PELI2: variants seen among roughly 807,000 people sequenced by gnomAD.
PELI2 encodes the protein pellino E3 ubiquitin protein ligase family member 2.
In PELI2, 23 loss-of-function variants were observed where a neutral mutation model predicts 42.3. The observed-to-expected ratio is 0.54, with a 90% CI of 0.39 to 0.77. PELI2 has a LOEUF of 0.77. Ranked by LOEUF, PELI2 falls within the 30% of genes least tolerant of loss-of-function variation. PELI2 has a pLI of 0.00. For missense variants in PELI2, 463 were observed against 553.2 expected, an observed-to-expected ratio of 0.84 and a Z score of 1.64; for synonymous variants, 245 against 212.2, an observed-to-expected ratio of 1.15 and a Z score of -1.34.
chr14:56,224,749 T>A (rs1887278311), intron 2 of PELI2, among the ~76,000 whole-genome samples: 1 of 152,236 alleles, frequency 6.6e-6, no homozygotes. Flanking sequence ...TTTGCAGGGC[T>A]TGTTGTATTT....
intron 1 of PELI2, among the ~76,000 whole-genome samples, chr14:56,144,591 T>G (rs184032726): frequency 1.2e-3 from 177 of 152,352 alleles, no homozygotes; most frequent in South Asian, 3.3e-3. Flanking sequence ...ATAGCCTGGC[T>G]GAATTGACAC....
At chr14:56,281,177 G>A (rs1216936626) in intron 3 of PELI2, among the ~76,000 whole-genome samples, 1 of 151,992 alleles carries the variant, frequency 6.6e-6, no homozygotes, top group Non-Finnish European at 1.5e-5. Context: ...ATTTTTATAC[G>A]TAAATAATTA....
Position 56,297,373 on chromosome 14 carries a change from T to C in PELI2, c.*207T>C. On this transcript the variant is annotated 3_prime_UTR_variant, in exon 6 of 6. Transcript: ENST00000267460. ...ATGCTCAAAACAGCAGCGTCGTCAT[T>C]GAAGTCTGCTTGATTAAACCATAAT... 1.9e-6 allele frequency: 1 copy of C among 515,584 alleles called. No homozygotes were observed. 31.9% of individuals were successfully genotyped at this position (515,584 alleles called of 1,614,324 possible). A position where few individuals can be genotyped will look rare whatever the true frequency, so the allele number is the denominator to read the frequency against.
intron 2 of PELI2, among the ~76,000 whole-genome samples, chr14:56,215,251 G>A (rs1566642177): frequency 6.6e-6 from 1 of 152,192 alleles, no homozygotes; most frequent in East Asian, 1.9e-4. Context: ...TAATTCTGTA[G>A]TGATAGGTTT....
intron 2 of PELI2, among the ~76,000 whole-genome samples, chr14:56,190,297 G>T (rs887874758): frequency 6.6e-6 from 1 of 152,164 alleles, no homozygotes; most frequent in Non-Finnish European, 1.5e-5. Context: ...AGTCTTACAA[G>T]TTAGGTAGAC....
chr14:56,153,555 A>G (rs1037601111), intron 1 of PELI2, among the ~76,000 whole-genome samples: 4 of 152,196 alleles, frequency 2.6e-5, no homozygotes, highest in African/African-American at 9.7e-5. Flanking sequence ...AGGCCCTAGA[A>G]ACCAATTTTG....
intron 2 of PELI2, among the ~76,000 whole-genome samples, chr14:56,220,701 C>T (rs1208979112): frequency 6.6e-6 from 1 of 151,912 alleles, no homozygotes; most frequent in East Asian, 1.9e-4. Context: ...GGGGAGGTGG[C>T]ATAGATTGAA....
At chr14:56,185,263 C>G (rs750086120) in intron 2 of PELI2, among the ~76,000 whole-genome samples, 50 of 152,004 alleles carry the variant, frequency 3.3e-4, no homozygotes, top group Non-Finnish European at 5.9e-4. Flanking sequence ...TTAATCAATA[C>G]TTTTATGTTT....
chr14:56,297,079 A>C lies in PELI2; in HGVS notation c.1176A>C (p.Ala392=). The C allele has an allele frequency of 6.2e-7, 1 of 1,611,788 alleles. No individual in the cohort carries two copies. Among genetic ancestry groups the C allele is most frequent in the Non-Finnish European group, 8.5e-7 (1 of 1,179,964 alleles). ...SQIPLPHGTH[A]FHAACPFCAT... The stretch of plus-strand genomic sequence containing the variant: ...TCCCGTTGCCTCATGGAACTCATGC[A>C]TTTCACGCTGCTTGCCCTTTCTGTG... The change falls in exon 6 of 6, where the codon GCA becomes GCC. Residue 392 remains alanine (A), a synonymous_variant. Coordinates refer to ENST00000267460, the MANE Select transcript of PELI2 (RefSeq NM_021255.3).
At chr14:56,279,589 A>G (rs1889406414) in intron 2 of PELI2, 87 bp from the exon 3 acceptor site, 2 of 697,074 alleles carry the variant, frequency 2.9e-6, no homozygotes, top group Admixed American at 4.3e-5. Context: ...GGGCTTTGCC[A>G]GTAGAGTGGT....
intron 2 of PELI2, among the ~76,000 whole-genome samples, chr14:56,190,572 C>G (rs1885920417): frequency 6.6e-6 from 1 of 152,116 alleles, no homozygotes; most frequent in African/African-American, 2.4e-5. Flanking sequence ...CCATCCTGAC[C>G]AAACACCACA....
intron 2 of PELI2, among the ~76,000 whole-genome samples, chr14:56,245,106 A>T (rs2054492): frequency 6.6e-6 from 1 of 152,014 alleles, no homozygotes; most frequent in East Asian, 1.9e-4. Flanking sequence ...CATCTCCCAG[A>T]CTTAAAGGAT....
chr14:56,125,757 G>C (rs1239578129), intron 1 of PELI2, among the ~76,000 whole-genome samples: 3 of 152,172 alleles, frequency 2.0e-5, no homozygotes, highest in Non-Finnish European at 4.4e-5. Context: ...TGTGCCCAGA[G>C]TGGCCATTGA....
Position 56,296,643 on chromosome 14 carries a change from A to C in PELI2, c.740A>C (p.Asp247Ala). 1.9e-6 allele frequency: 3 copies of C among 1,613,276 alleles called. No individual in the cohort carries two copies. Among genetic ancestry groups the C allele is most frequent in the Non-Finnish European group, 2.5e-6 (3 of 1,179,374 alleles). ...GTCCTGCAGGACGGCTCCCTCATTG[A>C]CCTGTGTGGGGCCACTCTCCTCTGG... ...TNVLQDGSLI[D>A]LCGATLLWRT... Residue 247 changes from aspartate (D) to alanine (A), a missense_variant, in exon 6 of 6, where the codon GAC (aspartate) becomes GCC (alanine). This residue lies in a region of PELI2 where 343 missense variants were observed against 378.4 expected (regional missense o/e 0.91). Transcript: ENST00000267460.
At position 56,300,534 on chromosome 14, in the gene PELI2, T is replaced by C. The variant is rs897593783; in HGVS notation, c.*3368T>C. The C allele has an allele frequency of 3.3e-5, 5 of 152,220 alleles. No individual in the cohort carries two copies. Among genetic ancestry groups the C allele is most frequent in the African/African-American group, 7.2e-5 (3 of 41,424 alleles). 9.4% of individuals were successfully genotyped at this position (152,220 alleles called of 1,614,324 possible). On this transcript the variant is annotated 3_prime_UTR_variant, in exon 6 of 6. Transcript: ENST00000267460. ...ACACTTACGAGAGTTTTCTGCTTAA[T>C]TGAAGTGTAATATAGGTTGTAGAAT...
intron 2 of PELI2, among the ~76,000 whole-genome samples, chr14:56,243,051 G>T (rs1008405905): frequency 2.6e-5 from 4 of 152,068 alleles, no homozygotes; most frequent in Admixed American, 2.0e-4. Context: ...TTCATCCGTG[G>T]CTTATTTTAA....
At chr14:56,290,478 A>G (rs946529930) in intron 5 of PELI2, 22 bp downstream of exon 5, 35 of 1,543,072 alleles carry the variant, frequency 2.3e-5, no homozygotes, top group Non-Finnish European at 3.1e-5. Context: ...TCACTCTGCA[A>G]GTGTGAAGTA....
At chr14:56,287,838 G>C (rs1889695056) in intron 3 of PELI2, among the ~76,000 whole-genome samples, 1 of 152,116 alleles carries the variant, frequency 6.6e-6, no homozygotes, top group African/African-American at 2.4e-5. Flanking sequence ...GTATTACATT[G>C]CCTAGTTTGT....
At chr14:56,145,479 G>A (rs1884080025) in intron 1 of PELI2, among the ~76,000 whole-genome samples, 1 of 152,048 alleles carries the variant, frequency 6.6e-6, no homozygotes, top group Non-Finnish European at 1.5e-5. Flanking sequence ...TGACAGATCT[G>A]TTTCAGTCAC....
Sources: gnomAD v4.1 joint callset for allele counts (sites outside exome capture counted in the v4.1 genomes callset) on GRCh38, gnomAD v4.1.1 for gene constraint, gnomAD v4.1.1 regional missense constraint, MANE v1.5 for transcripts, NCBI Gene and HGNC (gene_info 2026-07-23, HGNC 2026-07-21) for gene names.